PLEKHH2: variants seen among roughly 807,000 people sequenced by gnomAD.
PLEKHH2 encodes pleckstrin homology domain-containing family H member 2.
A neutral mutation model predicts 187.9 loss-of-function variants in PLEKHH2; 129 were observed. That is an observed-to-expected ratio of 0.69 (90% confidence interval 0.59 to 0.79). PLEKHH2 has a LOEUF of 0.79. Ranked by LOEUF, PLEKHH2 falls within the 30% of genes least tolerant of loss-of-function variation. PLEKHH2 has a pLI of 0.00. For synonymous variants in PLEKHH2, 686 were observed against 605.6 expected (o/e 1.13, Z -1.95); for missense variants, 2,076 against 1,751.2 (o/e 1.19, Z -3.31).
intron 2 of PLEKHH2, chr2:43,676,346 C>G (rs1667788330): frequency 1.5e-5 from 23 of 1,552,696 alleles, no homozygotes; most frequent in Non-Finnish European, 1.9e-5. Flanking sequence ...GGACAGTGTG[C>G]CAGGGTCAAA....
chr2:43,650,597 A>C (rs1010538616), intron 2 of PLEKHH2, among the ~76,000 whole-genome samples: 3 of 152,032 alleles, frequency 2.0e-5, no homozygotes, highest in Admixed American at 6.6e-5. Context: ...TTATATTAAT[A>C]GAAACAAATA....
In PLEKHH2 at chr2:43,699,844, G is replaced by A; in HGVS notation, c.886G>A (p.Gly296Arg). ...WSSDEEDGSK[G>R]RSKSRCTSTL... ...CTCTGATGAGGAAGACGGGAGCAAA[G>A]GAAGATCCAAGTCCAGATGCACATC... The change falls in exon 8 of 30, where the codon GGA becomes AGA. Residue 296 changes from glycine (G) to arginine (R), a missense_variant. Gly to Arg is a moderately radical substitution (Grantham distance 125). Coordinates refer to ENST00000282406, the MANE Select transcript of PLEKHH2 (RefSeq NM_172069.4). The A allele has an allele frequency of 6.2e-7, 1 of 1,614,130 alleles. No homozygotes were observed. The highest frequency in any genetic ancestry group is 8.5e-7 in the Non-Finnish European group (1 of 1,180,008).
chr2:43,741,233 G>C, intron 21 of PLEKHH2, 190 bp downstream of exon 21: 1 of 423,966 alleles, frequency 2.4e-6, no homozygotes, highest in Non-Finnish European at 4.0e-6. Context: ...AAATCTCTTA[G>C]GGAAGATTGC....
intron 2 of PLEKHH2, among the ~76,000 whole-genome samples, chr2:43,671,758 A>AT (rs1289915427): frequency 6.6e-6 from 1 of 152,128 alleles, no homozygotes; most frequent in African/African-American, 2.4e-5. Context: ...ACATTGGTTT[A>AT]TTTTTCAAAA....
At chr2:43,694,400 T>A in intron 4 of PLEKHH2, 31 bp from the exon 5 acceptor site, 1 of 1,535,188 alleles carries the variant, frequency 6.5e-7, no homozygotes, top group South Asian at 1.2e-5. Flanking sequence ...AGTTTATGTT[T>A]GAACTAAACA....
intron 4 of PLEKHH2, among the ~76,000 whole-genome samples, chr2:43,693,882 T>G (rs1022451687): frequency 9.9e-5 from 15 of 152,140 alleles, no homozygotes; most frequent in Non-Finnish European, 4.4e-5. Flanking sequence ...AGACCAGTGT[T>G]TCTTTAGGTC....
chr2:43,680,644 G>A, intron 3 of PLEKHH2: 1 of 306,948 alleles, frequency 3.3e-6, no homozygotes, highest in South Asian at 3.3e-5. Context: ...GGAAGTTGCA[G>A]TGTCTGTTTG....
chr2:43,737,068 A>G (rs753936628), intron 19 of PLEKHH2, among the ~76,000 whole-genome samples: 6 of 152,156 alleles, frequency 3.9e-5, no homozygotes, highest in Non-Finnish European at 8.8e-5. Flanking sequence ...AATAGAGTGC[A>G]CAGAAGGTGA....
At chr2:43,652,567 T>A (rs1186718314) in intron 2 of PLEKHH2, among the ~76,000 whole-genome samples, 1 of 152,268 alleles carries the variant, frequency 6.6e-6, no homozygotes, top group South Asian at 2.1e-4. Context: ...CTCTAGGGAC[T>A]CCATGAGTCC....
At position 43,712,391 on chromosome 2, in the gene PLEKHH2, C is replaced by T. The variant is rs762329838; in HGVS notation, c.2460+8C>T. The T allele has an allele frequency of 6.2e-7, 1 of 1,613,324 alleles. No homozygotes were observed. Among genetic ancestry groups the T allele is most frequent in the Non-Finnish European group, 8.5e-7 (1 of 1,179,684 alleles). ...AAGGGATTGCTCACTAAGGTAGGAA[C>T]CTCCTGTGCATAGCAATGTCCCAGG... On this transcript the variant is annotated splice_region_variant and intron_variant, in intron 15 of 29. Coordinates refer to ENST00000282406, the MANE Select transcript of PLEKHH2 (RefSeq NM_172069.4).
At chr2:43,660,168 G>A (rs902525338) in intron 2 of PLEKHH2, among the ~76,000 whole-genome samples, 7 of 151,896 alleles carry the variant, frequency 4.6e-5, no homozygotes, top group African/African-American at 1.5e-4. Flanking sequence ...GGCCTCTATC[G>A]TTTAGAATGC....
chr2:43,672,435 G>C (rs577686374), intron 2 of PLEKHH2, among the ~76,000 whole-genome samples: 1 of 151,962 alleles, frequency 6.6e-6, no homozygotes, highest in African/African-American at 2.4e-5. Flanking sequence ...GGTTTAATTT[G>C]CTCTTCCTAA....
At chr2:43,657,650 G>C (rs1488948379) in intron 2 of PLEKHH2, among the ~76,000 whole-genome samples, 1 of 152,172 alleles carries the variant, frequency 6.6e-6, no homozygotes, top group East Asian at 1.9e-4. Flanking sequence ...ATCACCTTCT[G>C]GTTGTCTAGC....
intron 24 of PLEKHH2, among the ~76,000 whole-genome samples, chr2:43,750,131 C>G (rs1314134731): frequency 6.6e-6 from 1 of 152,082 alleles, no homozygotes; most frequent in East Asian, 1.9e-4. Context: ...GGAGTTTATC[C>G]CATTTCTCCT....
rs764475215 is a variant in PLEKHH2, at chr2:43,675,777, T to G, written c.124-3086T>G. On this transcript the variant is annotated intron_variant, in intron 2 of 29. Transcript: ENST00000282406. ...ACTCTCTGCTTAAGACAATCCCTCC[T>G]TCCACAGTCACGTATTCGAGGTCTC... The G allele has an allele frequency of 3.7e-6, 6 of 1,613,586 alleles. No individual in the cohort carries two copies. The South Asian group carries it at 6.6e-5, about 18-fold the overall frequency.
In PLEKHH2 at chr2:43,735,151, C is replaced by T. The variant is rs150956766; in HGVS notation, c.2944-3190C>T. Among the ~76,000 whole-genome samples the T allele has an allele frequency of 7.7e-3, 1,175 of 152,176 alleles. 18 individuals are homozygous for T. Among genetic ancestry groups the T allele is most frequent in the Non-Finnish European group, 8.8e-3 (598 of 68,006 alleles). Reference sequence around the variant, plus strand: ...GTTGTAGTGAGCCGAGAGTGTGCCACTGCACTCCAGCCTGGGTGACAGAGC... The same window carrying T: ...GTTGTAGTGAGCCGAGAGTGTGCCATTGCACTCCAGCCTGGGTGACAGAGC... On this transcript the variant is annotated intron_variant, in intron 19 of 29. Coordinates refer to ENST00000282406, the MANE Select transcript of PLEKHH2 (RefSeq NM_172069.4).
chr2:43,654,900 G>A (rs1057013761), intron 2 of PLEKHH2, among the ~76,000 whole-genome samples: 1 of 152,212 alleles, frequency 6.6e-6, no homozygotes, highest in Middle Eastern at 3.4e-3. Flanking sequence ...AGTGGCACAC[G>A]CCAGTAGTCC....
chr2:43,667,863 G>C (rs1667289221), intron 2 of PLEKHH2, among the ~76,000 whole-genome samples: 1 of 152,106 alleles, frequency 6.6e-6, no homozygotes, highest in Non-Finnish European at 1.5e-5. Context: ...ATTAAATGGT[G>C]CTAATAGTTC....
At chr2:43,680,984 G>C in intron 3 of PLEKHH2, 1 of 1,189,240 alleles carries the variant, frequency 8.4e-7, no homozygotes, top group Non-Finnish European at 1.2e-6. Flanking sequence ...TTCCGTTACT[G>C]TTGTTCATAT....
Sources: gnomAD v4.1 joint callset for allele counts (sites outside exome capture counted in the v4.1 genomes callset) on GRCh38, gnomAD v4.1.1 for gene constraint, MANE v1.5 for transcripts, NCBI Gene and HGNC (gene_info 2026-07-23, HGNC 2026-07-21) for gene names.